NXPE3: variants seen among roughly 807,000 people sequenced by gnomAD.
NXPE3 encodes the protein NXPE family member 3.
Under a neutral mutation model 46.1 loss-of-function variants are expected in NXPE3, and 26 were observed. The ratio of observed to expected loss-of-function variants is 0.56; its 90% confidence interval spans 0.41 to 0.78. NXPE3 has a LOEUF of 0.78. Ranked by LOEUF, NXPE3 falls within the 30% of genes least tolerant of loss-of-function variation. The pLI is 0.00. For synonymous variants in NXPE3, 272 were observed against 257.9 expected (o/e 1.05, Z -0.52); for missense variants, 620 against 686.0 (o/e 0.90, Z 1.07).
At chr3:101,794,176 G>A (rs937180871) in intron 4 of NXPE3, among the ~76,000 whole-genome samples, 1 of 151,944 alleles carries the variant, frequency 6.6e-6, no homozygotes, top group African/African-American at 2.4e-5. Flanking sequence ...ATCTTTGCTG[G>A]AAGTGGAAGT....
At position 101,822,360 on chromosome 3, in the gene NXPE3, T is replaced by C. The variant is rs1359706578; in HGVS notation, c.*406T>C. On this transcript the variant is annotated 3_prime_UTR_variant, in exon 8 of 8. Coordinates refer to ENST00000273347, the MANE Select transcript of NXPE3 (RefSeq NM_145037.4). ...TATCTGGTAAAGGAAATTGAGTGCA[T>C]CTGCATGCATAGCACAAGTAATCCA... The C allele has an allele frequency of 5.9e-6, 1 of 170,290 alleles. No individual in the cohort carries two copies. Among genetic ancestry groups the C allele is most frequent in the African/African-American group, 2.4e-5 (1 of 42,022 alleles). 10.5% of individuals were successfully genotyped at this position (170,290 alleles called of 1,614,324 possible).
chr3:101,792,885 C>T (rs930527239), intron 4 of NXPE3, among the ~76,000 whole-genome samples: 2 of 152,098 alleles, frequency 1.3e-5, no homozygotes, highest in Non-Finnish European at 2.9e-5. Flanking sequence ...ATTGATTCTT[C>T]TTATTAATGA....
chr3:101,796,812 C>A (rs1041942140), intron 4 of NXPE3, among the ~76,000 whole-genome samples: 1 of 152,074 alleles, frequency 6.6e-6, no homozygotes, highest in African/African-American at 2.4e-5. Flanking sequence ...GAGCATTAAA[C>A]ATTCTTGTAT....
chr3:101,780,849 C>T (rs926725089), intron 1 of NXPE3, among the ~76,000 whole-genome samples: 2 of 152,188 alleles, frequency 1.3e-5, no homozygotes, highest in Non-Finnish European at 1.5e-5. Context: ...GATGAGTCAG[C>T]ACTTTGTGCA....
At chr3:101,818,713 A>ATTTT (rs201504502) in intron 7 of NXPE3, among the ~76,000 whole-genome samples, 1 of 30,374 alleles carries the variant, frequency 3.3e-5, no homozygotes, top group Admixed American at 4.3e-4. Flanking sequence ...ATATATGACA[A>ATTTT]TTTATATATA....
At chr3:101,788,150 T>C (rs181927656) in intron 4 of NXPE3, among the ~76,000 whole-genome samples, 2 of 152,368 alleles carry the variant, frequency 1.3e-5, no homozygotes, top group Non-Finnish European at 2.9e-5. Context: ...TTATTAATGA[T>C]GTTGAGCATC....
chr3:101,819,490 A>G (rs1942152260), intron 7 of NXPE3, among the ~76,000 whole-genome samples: 1 of 152,222 alleles, frequency 6.6e-6, no homozygotes, highest in Non-Finnish European at 1.5e-5. Flanking sequence ...GGACATTAAC[A>G]TGATTTTTCA....
In NXPE3 at chr3:101,826,930, G is replaced by A. The variant is rs1942511434; in HGVS notation, c.*4976G>A. 1 of 152,418 alleles carries A rather than the reference G, an allele frequency of 6.6e-6. No homozygotes were observed. The highest frequency in any genetic ancestry group is 6.5e-5 in the Admixed American group (1 of 15,310). 9.4% of individuals were successfully genotyped at this position (152,418 alleles called of 1,614,324 possible). ...TGCCTGTCATCCCAGCTACTCAGGA[G>A]GCTGAGGTGGGAGAATCGCTTGAAC... is the stretch of plus-strand genomic sequence containing the variant. On this transcript the variant is annotated 3_prime_UTR_variant, in exon 8 of 8. Transcript: ENST00000273347.
chr3:101,800,218 T>G (rs1381924876), intron 4 of NXPE3, among the ~76,000 whole-genome samples: 1 of 152,204 alleles, frequency 6.6e-6, no homozygotes, highest in Non-Finnish European at 1.5e-5. Context: ...CTCTAAGCAC[T>G]TCTCTTGCTT....
In NXPE3 at chr3:101,826,366, T is replaced by C. The variant is rs550598916; in HGVS notation, c.*4412T>C. On this transcript the variant is annotated 3_prime_UTR_variant, in exon 8 of 8. Coordinates refer to ENST00000273347, the MANE Select transcript of NXPE3 (RefSeq NM_145037.4). ...TGCTCAGCATTATCTCTGTGGATTC[T>C]GGGTAAATTCAGCTTTTTAACATCA... 6.6e-6 allele frequency: 1 copy of C among 152,324 alleles called. No homozygotes were observed. The highest frequency in any genetic ancestry group is 2.4e-5 in the African/African-American group (1 of 41,562). The allele number at this position is 152,324 out of a possible 1,614,324, so 9.4% of individuals were successfully genotyped here.
At chr3:101,809,362 A>C (rs1335902125) in intron 6 of NXPE3, among the ~76,000 whole-genome samples, 1 of 152,172 alleles carries the variant, frequency 6.6e-6, no homozygotes, top group African/African-American at 2.4e-5. Context: ...ACTTCATTGA[A>C]TTTCACTCTG....
chr3:101,794,026 C>T (rs1208971360), intron 4 of NXPE3, among the ~76,000 whole-genome samples: 3 of 151,972 alleles, frequency 2.0e-5, no homozygotes, highest in African/African-American at 7.3e-5. Flanking sequence ...GGGCTCATCT[C>T]GTTTGTTTAC....
At chr3:101,820,319 A>G (rs1005074152) in intron 7 of NXPE3, among the ~76,000 whole-genome samples, 2 of 152,192 alleles carry the variant, frequency 1.3e-5, no homozygotes, top group Non-Finnish European at 2.9e-5. Flanking sequence ...CAAAACCACA[A>G]TGAAATTGTG....
chr3:101,796,562 G>T (rs1940840632), intron 4 of NXPE3, among the ~76,000 whole-genome samples: 2 of 152,180 alleles, frequency 1.3e-5, no homozygotes, highest in Non-Finnish European at 2.9e-5. Context: ...CCTTAATGGT[G>T]TGTCACAGAC....
At chr3:101,793,397 T>C (rs1434684816) in intron 4 of NXPE3, among the ~76,000 whole-genome samples, 1 of 152,112 alleles carries the variant, frequency 6.6e-6, no homozygotes, top group Non-Finnish European at 1.5e-5. Flanking sequence ...TGTTTTTATA[T>C]TTAAAACAGG....
chr3:101,786,592 C>T lies in NXPE3; in HGVS notation c.93+903C>T, dbSNP rs1056805465. 2.6e-5 allele frequency among the ~76,000 whole-genome samples: 4 copies of T among 152,260 alleles called. No individual in the cohort carries two copies. The East Asian group carries it at 7.7e-4, about 29-fold the overall frequency. On this transcript the variant is annotated intron_variant, in intron 4 of 7. Coordinates refer to ENST00000273347, the MANE Select transcript of NXPE3 (RefSeq NM_145037.4). ...TGTTAAAGATTCTGTTAAAGATTTCCTATTAGAAATAGGCTTAAGGCATAA... is the reference window on the plus strand; with the variant it reads ...TGTTAAAGATTCTGTTAAAGATTTCTTATTAGAAATAGGCTTAAGGCATAA...
chr3:101,816,680 G>A (rs1440784751), intron 6 of NXPE3, 115 bp from the exon 7 acceptor site: 1 of 793,314 alleles, frequency 1.3e-6, no homozygotes, highest in Non-Finnish European at 2.0e-6. Flanking sequence ...AGCAGGAAAT[G>A]TTTCCCACAT....
chr3:101,783,756 G>T (rs946114714), intron 3 of NXPE3, among the ~76,000 whole-genome samples: 1 of 152,174 alleles, frequency 6.6e-6, no homozygotes, highest in African/African-American at 2.4e-5. Flanking sequence ...TCTGGCCATT[G>T]TGGAAACCTG....
chr3:101,808,833 A>G (rs1032728921), intron 6 of NXPE3, among the ~76,000 whole-genome samples: 1 of 108,428 alleles, frequency 9.2e-6, no homozygotes, highest in Non-Finnish European at 1.9e-5. Flanking sequence ...ATATATATAT[A>G]TATATATATA....
Sources: gnomAD v4.1 joint callset for allele counts (sites outside exome capture counted in the v4.1 genomes callset) on GRCh38, gnomAD v4.1.1 for gene constraint, MANE v1.5 for transcripts, NCBI Gene and HGNC (gene_info 2026-07-23, HGNC 2026-07-21) for gene names.